Variants in FOCAD observed in about 807,000 individuals in gnomAD.
FOCAD encodes the protein focadhesin.
Under a neutral mutation model 225.6 loss-of-function variants are expected in FOCAD, and 198 were observed. The ratio of observed to expected loss-of-function variants is 0.88; its 90% CI spans 0.78 to 0.99. The LOEUF (loss-of-function observed/expected upper bound fraction) is 0.99, where lower values mean the gene tolerates loss of function less well. Ranked by LOEUF, FOCAD falls within the 50% of genes least tolerant of loss-of-function variation. FOCAD has a pLI of 0.00. For missense variants in FOCAD, 2,713 were observed against 2,123.6 expected (o/e 1.28, Z -5.46); for synonymous variants, 897 against 755.0 (o/e 1.19, Z -3.08).
intron 2 of FOCAD, chr9:20,658,938 G>A (rs961412166): frequency 6.6e-6 from 1 of 152,396 alleles, no homozygotes; most frequent in Non-Finnish European, 1.5e-5. Flanking sequence ...TTAAAGAGGT[G>A]ATTAAGTGAC....
intron 1 of FOCAD, among the ~76,000 whole-genome samples, chr9:20,692,484 C>G (rs1181530286): frequency 6.6e-6 from 1 of 152,152 alleles, no homozygotes; most frequent in Non-Finnish European, 1.5e-5. Context: ...GTTACCTACT[C>G]CCAACATTTT....
rs58067518 is a variant in FOCAD, at chr9:20,954,917, G to A, written c.4132+1852G>A. Reference sequence around the variant, plus strand: ...ATTTACAAAAACAAAACCAGACCCTGCTCTGTGGGGCTAAATGGGATGGCC... The same window carrying A: ...ATTTACAAAAACAAAACCAGACCCTACTCTGTGGGGCTAAATGGGATGGCC... On this transcript the variant is annotated intron_variant, in intron 35 of 43. Transcript: ENST00000338382. Among the ~76,000 whole-genome samples, 428 of 152,306 alleles carry A rather than the reference G, an allele frequency of 2.8e-3. 4 individuals carry two copies. Among genetic ancestry groups the A allele is most frequent in the African/African-American group, 9.4e-3 (389 of 41,566 alleles).
At chr9:20,659,282 C>T (rs1821626085) in intron 2 of FOCAD, among the ~76,000 whole-genome samples, 1 of 145,590 alleles carries the variant, frequency 6.9e-6, no homozygotes, top group South Asian at 2.2e-4. Flanking sequence ...TGGTGTGTGC[C>T]TGTAGTTCCA....
intron 2 of FOCAD, among the ~76,000 whole-genome samples, chr9:20,663,817 T>C (rs1821814693): frequency 6.6e-6 from 1 of 152,248 alleles, no homozygotes; most frequent in Non-Finnish European, 1.5e-5. Context: ...AAAAACCATC[T>C]CAAGTATCCT....
chr9:20,797,078 T>C (rs1423118358), intron 11 of FOCAD, among the ~76,000 whole-genome samples: 3 of 152,252 alleles, frequency 2.0e-5, no homozygotes, highest in African/African-American at 4.8e-5. Flanking sequence ...AGGGAATCTT[T>C]AACCCATTTC....
intron 28 of FOCAD, among the ~76,000 whole-genome samples, chr9:20,942,043 A>G (rs1490482682): frequency 6.6e-6 from 1 of 152,232 alleles, no homozygotes; most frequent in Admixed American, 6.5e-5. Flanking sequence ...TTATTGGTGC[A>G]TACTGGAAAA....
chr9:20,904,915 A>G lies in FOCAD; in HGVS notation c.2626-2235A>G, dbSNP rs552061600. On this transcript the variant is annotated intron_variant, in intron 21 of 43. Coordinates refer to ENST00000338382, the MANE Select transcript of FOCAD (RefSeq NM_001375567.1). Reference sequence around the variant, plus strand: ...CACCCTAGCAACATTAACCTAAAATATAGGCAATGTGGCTGACTATACAGT... The same window carrying G: ...CACCCTAGCAACATTAACCTAAAATGTAGGCAATGTGGCTGACTATACAGT... Among the ~76,000 whole-genome samples, 9 of 152,214 alleles carry G rather than the reference A, an allele frequency of 5.9e-5. No homozygotes were observed. In the South Asian group the frequency reaches 1.9e-3, roughly 32 times the overall value.
Position 20,861,028 on chromosome 9 carries a change from G to A in FOCAD, c.1921-1550G>A, listed in dbSNP as rs141504006. On this transcript the variant is annotated intron_variant, in intron 15 of 43. Transcript: ENST00000338382. ...CTTTCCATTTTCTTGTGGCATGGCT[G>A]TGTGATTTCTGTTCATTCTTTCTTC... is the stretch of plus-strand genomic sequence containing the variant. 7.0e-3 allele frequency among the ~76,000 whole-genome samples: 1,067 copies of A among 152,182 alleles called. 12 individuals carry two copies. The highest frequency in any genetic ancestry group is 0.025 in the African/African-American group (1,039 of 41,530).
chr9:20,993,130 T>C, intron 42 of FOCAD, 123 bp from the exon 43 acceptor site: 1 of 700,938 alleles, frequency 1.4e-6, no homozygotes, highest in East Asian at 2.7e-5. Flanking sequence ...AGAACTGTAA[T>C]CCCAGCTACT....
intron 18 of FOCAD, among the ~76,000 whole-genome samples, chr9:20,871,758 TGGGGTGG>T (rs1323178840): frequency 1.4e-5 from 1 of 69,358 alleles, no homozygotes; most frequent in African/African-American, 5.9e-5. Context: ...GGGACTGTTG[TGGGGTGG>T]GGGGTGGGGG....
chr9:20,993,124 C>A, intron 42 of FOCAD, 129 bp from the exon 43 acceptor site: 1 of 683,114 alleles, frequency 1.5e-6, no homozygotes. Flanking sequence ...TGCCTAAGAA[C>A]TGTAATCCCA....
intron 11 of FOCAD, among the ~76,000 whole-genome samples, chr9:20,816,125 A>C (rs890033050): frequency 3.5e-4 from 53 of 152,234 alleles, no homozygotes; most frequent in African/African-American, 1.3e-3. Flanking sequence ...TTTAGGGCCA[A>C]GTCTCATAAA....
intron 15 of FOCAD, among the ~76,000 whole-genome samples, chr9:20,824,477 TC>T (rs959113253): frequency 6.6e-6 from 1 of 152,050 alleles, no homozygotes; most frequent in Non-Finnish European, 1.5e-5. Flanking sequence ...TCTCTGCCCA[TC>T]CCCTCCTGTT....
Position 20,912,208 on chromosome 9 carries a change from G to T in FOCAD, c.2719-658G>T, listed in dbSNP as rs548934657. Among the ~76,000 whole-genome samples the T allele has an allele frequency of 2.0e-5, 3 of 152,176 alleles. No homozygotes were observed. In the East Asian group the frequency reaches 5.8e-4, roughly 29 times the overall value. On this transcript the variant is annotated intron_variant, in intron 22 of 43. Transcript: ENST00000338382. ...ATAGATAATTTAGATAATGTAATTGGTGATGGAGTAGAGGGGGAAGCATCT... is the reference window on the plus strand; with the variant it reads ...ATAGATAATTTAGATAATGTAATTGTTGATGGAGTAGAGGGGGAAGCATCT...
Position 20,866,917 on chromosome 9 carries a change from T to TTTTTTTTA in FOCAD, c.2107-12_2107-11insTTTTTTTA. On this transcript the variant is annotated splice_polypyrimidine_tract_variant and intron_variant, in intron 17 of 43. Coordinates refer to ENST00000338382, the MANE Select transcript of FOCAD (RefSeq NM_001375567.1). ...TTTTTTTTTTTTTTTTTTTTTTTTT[T>TTTTTTTTA]ACCCTATCTAGGACCCAATTGTAGC... is the stretch of plus-strand genomic sequence containing the variant. The TTTTTTTTA allele has an allele frequency of 3.9e-6, 3 of 764,972 alleles. No homozygotes were observed. Among genetic ancestry groups the TTTTTTTTA allele is most frequent in the Non-Finnish European group, 6.0e-6 (3 of 498,468 alleles). 47.4% of individuals were successfully genotyped at this position (764,972 alleles called of 1,614,324 possible).
At chr9:20,867,721 T>C (rs369146222) in intron 18 of FOCAD, among the ~76,000 whole-genome samples, 6 of 152,070 alleles carry the variant, frequency 3.9e-5, no homozygotes, top group Admixed American at 6.6e-5. Flanking sequence ...CAGATGTTTA[T>C]TGAGTGCCTC....
intron 41 of FOCAD, among the ~76,000 whole-genome samples, chr9:20,989,204 C>T (rs1841444732): frequency 2.0e-5 from 3 of 151,888 alleles, no homozygotes; most frequent in Admixed American, 6.6e-5. Flanking sequence ...GAAGTTCTGC[C>T]CAGTTTTTCT....
At chr9:20,870,837 G>A (rs1235256522) in intron 18 of FOCAD, among the ~76,000 whole-genome samples, 2 of 152,184 alleles carry the variant, frequency 1.3e-5, no homozygotes, top group African/African-American at 4.8e-5. Context: ...TTCAACCTAC[G>A]ATGGGTTTAT....
At chr9:20,801,073 A>G (rs1821769606) in intron 11 of FOCAD, among the ~76,000 whole-genome samples, 1 of 152,070 alleles carries the variant, frequency 6.6e-6, no homozygotes, top group Admixed American at 6.5e-5. Context: ...AACAGTCAGT[A>G]CCCTCAACTT....
Sources: gnomAD v4.1 joint callset for allele counts (sites outside exome capture counted in the v4.1 genomes callset) on GRCh38, gnomAD v4.1.1 for gene constraint, MANE v1.5 for transcripts, NCBI Gene and HGNC (gene_info 2026-07-23, HGNC 2026-07-21) for gene names.